SCLT1: variants seen among roughly 807,000 people sequenced by gnomAD.
The protein encoded by SCLT1 is sodium channel and clathrin linker 1.
Under a neutral mutation model 112.8 loss-of-function variants are expected in SCLT1, and 78 were observed. The observed-to-expected ratio is 0.69, with a 90% CI of 0.58 to 0.83. The LOEUF is 0.83. SCLT1 is among the 40% of genes least tolerant of loss of function. The probability of loss-of-function intolerance (pLI) is 0.00; values close to 1 mark genes in which losing one functional copy is unlikely to be tolerated. For synonymous variants in SCLT1, 257 were observed against 254.7 expected (o/e 1.01, Z -0.09); for missense variants, 747 against 770.4 (o/e 0.97, Z 0.36).
chr4:129,068,555 G>A (rs1399955337), intron 2 of SCLT1, among the ~76,000 whole-genome samples: 1 of 151,946 alleles, frequency 6.6e-6, no homozygotes, highest in Non-Finnish European at 1.5e-5. Flanking sequence ...ATGTTTGTTG[G>A]CCATTTGTAT....
intron 2 of SCLT1, among the ~76,000 whole-genome samples, chr4:129,078,122 A>G (rs1408845366): frequency 6.6e-6 from 1 of 152,262 alleles, no homozygotes; most frequent in Non-Finnish European, 1.5e-5. Context: ...AATAGTACAC[A>G]TAAGAGAAGA....
intron 5 of SCLT1, among the ~76,000 whole-genome samples, chr4:129,025,726 A>C (rs1745996662): frequency 6.6e-6 from 1 of 152,164 alleles, no homozygotes; most frequent in Admixed American, 6.5e-5. Flanking sequence ...AAATGGACTA[A>C]ATGCTCCAAT....
In SCLT1 at chr4:129,069,841, G is replaced by C. The variant is rs183721409; in HGVS notation, c.102+12465C>G. 1.1e-4 allele frequency among the ~76,000 whole-genome samples: 16 copies of C among 152,248 alleles called. 1 individual carries two copies. Among genetic ancestry groups the C allele is most frequent in the Admixed American group, 1.0e-3 (16 of 15,270 alleles). On this transcript the variant is annotated intron_variant, in intron 2 of 20. Transcript: ENST00000281142. ...CATCCTCGTCTTGTTCCAGTTCTCA[G>C]AGAGAATGCTTTCCACTTTTCCCCA... is the stretch of plus-strand genomic sequence containing the variant.
At chr4:129,045,653 C>T (rs1403957833) in intron 2 of SCLT1, among the ~76,000 whole-genome samples, 1 of 151,718 alleles carries the variant, frequency 6.6e-6, no homozygotes, top group African/African-American at 2.4e-5. Context: ...GAAAATAGGA[C>T]AGAGAAGAAA....
intron 9 of SCLT1, among the ~76,000 whole-genome samples, chr4:128,987,113 G>C (rs1742166764): frequency 1.3e-5 from 2 of 152,228 alleles, no homozygotes; most frequent in South Asian, 4.1e-4. Context: ...TTCTGAAATG[G>C]CTTCTGCAAT....
Position 129,003,813 on chromosome 4 carries a change from C to A in SCLT1, c.354G>T (p.Glu118Asp). 1 of 1,612,286 alleles carries A rather than the reference C, an allele frequency of 6.2e-7. No individual in the cohort carries two copies. The highest frequency in any genetic ancestry group is 8.5e-7 in the Non-Finnish European group (1 of 1,178,864). Residue 118 changes from glutamate to aspartate, a missense_variant, in exon 6 of 21, where the codon GAG (glutamate) becomes GAT (aspartate). Glu to Asp is a conservative substitution (Grantham distance 45). Transcript: ENST00000281142. ...CATCTGCATATATGTCAGTTCCTAC[C>A]TCTGTGCCCAGGGGAAAGGCCTCCA... The part of the protein sequence containing the change: ...KKLEAFPLGT[E>D]VGTDIYADDE...
chr4:129,013,745 G>C (rs1479888309), intron 5 of SCLT1, among the ~76,000 whole-genome samples: 3 of 152,002 alleles, frequency 2.0e-5, no homozygotes, highest in Admixed American at 2.0e-4. Flanking sequence ...AAAATTTTTT[G>C]TTTCATTTTG....
intron 2 of SCLT1, among the ~76,000 whole-genome samples, chr4:129,049,310 A>G (rs1467436537): frequency 6.6e-6 from 1 of 152,084 alleles, no homozygotes; most frequent in Non-Finnish European, 1.5e-5. Context: ...ATAAAAAATG[A>G]TGAGTTCACG....
At chr4:129,029,692 CA>C (rs887413329) in intron 5 of SCLT1, among the ~76,000 whole-genome samples, 9 of 151,196 alleles carry the variant, frequency 6.0e-5, no homozygotes, top group East Asian at 3.9e-4. Flanking sequence ...AATAAACAAA[CA>C]AAAAAAACCC....
At chr4:129,034,560 T>A (rs1351466690) in intron 5 of SCLT1, among the ~76,000 whole-genome samples, 1 of 130,856 alleles carries the variant, frequency 7.6e-6, no homozygotes, top group African/African-American at 2.8e-5. Flanking sequence ...TATGTTTCTG[T>A]GTTCTAAAGC....
At chr4:128,880,716 T>C (rs1471219046), downstream of SCLT1, among the ~76,000 whole-genome samples, 1 of 152,194 alleles carries the variant, frequency 6.6e-6, no homozygotes, top group Non-Finnish European at 1.5e-5. Context: ...TATAGAATAG[T>C]AATTCACATT....
chr4:129,064,284 T>A (rs1750273320), intron 2 of SCLT1, among the ~76,000 whole-genome samples: 1 of 152,198 alleles, frequency 6.6e-6, no homozygotes, highest in African/African-American at 2.4e-5. Flanking sequence ...TGTTTATTCA[T>A]CCTCCTGTAA....
intron 2 of SCLT1, among the ~76,000 whole-genome samples, chr4:129,069,640 C>A (rs1750807576): frequency 6.6e-6 from 1 of 152,114 alleles, no homozygotes; most frequent in Non-Finnish European, 1.5e-5. Flanking sequence ...TTTATCAGTT[C>A]TAGAAGCTTT....
chr4:129,077,649 C>G (rs1470082715), intron 2 of SCLT1, among the ~76,000 whole-genome samples: 1 of 152,118 alleles, frequency 6.6e-6, no homozygotes, highest in Non-Finnish European at 1.5e-5. Flanking sequence ...AGGGGAAACA[C>G]AAATTTATAA....
At chr4:129,062,047 G>T (rs1200824497) in intron 2 of SCLT1, among the ~76,000 whole-genome samples, 2 of 151,704 alleles carry the variant, frequency 1.3e-5, no homozygotes, top group African/African-American at 4.8e-5. Flanking sequence ...CCAGTGGCGA[G>T]GTCCGTAGGA....
chr4:129,002,450 G>C (rs1394663607), intron 6 of SCLT1, among the ~76,000 whole-genome samples: 1 of 151,864 alleles, frequency 6.6e-6, no homozygotes, highest in East Asian at 1.9e-4. Context: ...GAAAAATATA[G>C]TACTCTTAAT....
intron 18 of SCLT1, 124 bp from the exon 19 acceptor site, chr4:128,891,261 C>G (rs1000624748): frequency 1.4e-6 from 1 of 691,234 alleles, no homozygotes; most frequent in African/African-American, 1.8e-5. Flanking sequence ...AATAAAGTCA[C>G]TTACTAATAG....
intron 18 of SCLT1, among the ~76,000 whole-genome samples, chr4:128,926,698 C>T (rs1429234885): frequency 6.6e-6 from 1 of 151,992 alleles, no homozygotes. Context: ...TATTACTGTT[C>T]ATATATATTT....
intron 5 of SCLT1, chr4:129,037,635 C>A (rs888607153): frequency 6.6e-6 from 1 of 152,132 alleles, no homozygotes; most frequent in Non-Finnish European, 1.5e-5. Flanking sequence ...TGAGGTGTAA[C>A]TGTAAAACTA....
Sources: allele counts gnomAD v4.1 joint callset (sites outside exome capture counted in the v4.1 genomes callset), GRCh38; gene constraint gnomAD v4.1.1; transcripts MANE v1.5; gene names NCBI Gene and HGNC (gene_info 2026-07-23, HGNC 2026-07-21).